The following DLGAP2 variants were observed in gnomAD, a reference collection of about 807,000 sequenced individuals.
The protein encoded by DLGAP2 is disks large-associated protein 2.
Under a neutral mutation model 100.3 loss-of-function variants are expected in DLGAP2, and 26 were observed. That is an observed-to-expected ratio of 0.26 (90% CI 0.19 to 0.36). The LOEUF (loss-of-function observed/expected upper bound fraction) is 0.36. DLGAP2 is among the 10% of genes least tolerant of loss of function. The probability of loss-of-function intolerance (pLI) is 1.00; values close to 1 mark genes in which losing one functional copy is unlikely to be tolerated. For synonymous variants in DLGAP2, 886 were observed against 630.1 expected (o/e 1.41, Z -6.08); for missense variants, 1,858 against 1,453.2 (o/e 1.28, Z -4.53).
intron 3 of DLGAP2, among the ~76,000 whole-genome samples, chr8:1,491,148 G>T (rs2130282748): frequency 7.9e-6 from 1 of 126,072 alleles, no homozygotes; most frequent in South Asian, 2.5e-4. Context: ...AAAAAATCCA[G>T]GACGCCCAGT....
chr8:1,268,440 C>T (rs1042968858), intron 3 of DLGAP2, among the ~76,000 whole-genome samples: 1 of 152,086 alleles, frequency 6.6e-6, no homozygotes, highest in Admixed American at 6.5e-5. Flanking sequence ...AAATAATTGG[C>T]CAAAGAGAGA....
At chr8:1,665,666 G>A (rs752810028) in intron 8 of DLGAP2, among the ~76,000 whole-genome samples, 17 of 152,212 alleles carry the variant, frequency 1.1e-4, no homozygotes, top group Admixed American at 6.5e-4. Context: ...GAGAAGCAAC[G>A]CAGAGCCAGC....
intron 3 of DLGAP2, among the ~76,000 whole-genome samples, chr8:1,283,316 C>T (rs1799858691): frequency 1.3e-5 from 2 of 152,312 alleles, no homozygotes; most frequent in South Asian, 2.1e-4. Context: ...ACCATCCAGA[C>T]GTGGTGTGAT....
At chr8:768,448 T>C (rs1437629920) in intron 1 of DLGAP2, among the ~76,000 whole-genome samples, 1 of 129,948 alleles carries the variant, frequency 7.7e-6, no homozygotes, top group Non-Finnish European at 1.6e-5. Context: ...TTTTCTGACA[T>C]GAATCTTGCT....
intron 1 of DLGAP2, among the ~76,000 whole-genome samples, chr8:845,438 G>C (rs188011711): frequency 6.6e-6 from 1 of 152,260 alleles, no homozygotes; most frequent in East Asian, 1.9e-4. Context: ...CTTTCCATGT[G>C]CTTGTTGGCT....
At chr8:1,691,714 A>G in intron 13 of DLGAP2, 88 bp downstream of exon 13, 2 of 1,158,838 alleles carry the variant, frequency 1.7e-6, no homozygotes, top group South Asian at 1.3e-5. Context: ...TTCCTTGTCA[A>G]AGAGTTCCCA....
chr8:1,309,002 G>A (rs902097619), intron 3 of DLGAP2, among the ~76,000 whole-genome samples: 1 of 152,122 alleles, frequency 6.6e-6, no homozygotes, highest in African/African-American at 2.4e-5. Flanking sequence ...GATTTGAGCA[G>A]GTAGAGGAAA....
chr8:1,427,145 G>T (rs1221865128), intron 3 of DLGAP2, among the ~76,000 whole-genome samples: 5 of 152,146 alleles, frequency 3.3e-5, no homozygotes, highest in Non-Finnish European at 1.5e-5. Context: ...AGCATAATAA[G>T]TATGAACTAA....
intron 2 of DLGAP2, among the ~76,000 whole-genome samples, chr8:1,233,477 A>G (rs938903985): frequency 6.6e-6 from 1 of 152,196 alleles, no homozygotes; most frequent in Non-Finnish European, 1.5e-5. Flanking sequence ...TAACGGGGCT[A>G]ATCGCAGAGC....
chr8:1,340,826 A>G (rs1443690189), intron 3 of DLGAP2, among the ~76,000 whole-genome samples: 2 of 152,248 alleles, frequency 1.3e-5, no homozygotes, highest in Admixed American at 1.3e-4. Context: ...GAGACGTGGA[A>G]TCAACCTAAA....
At chr8:1,645,019 C>T (rs558757680) in intron 8 of DLGAP2, among the ~76,000 whole-genome samples, 1 of 152,314 alleles carries the variant, frequency 6.6e-6, no homozygotes, top group Non-Finnish European at 1.5e-5. Flanking sequence ...CACTTAAGGC[C>T]AGGCATTCAA....
chr8:773,906 C>T (rs1248786461), intron 1 of DLGAP2, among the ~76,000 whole-genome samples: 2 of 152,146 alleles, frequency 1.3e-5, no homozygotes, highest in African/African-American at 2.4e-5. Flanking sequence ...AGTTCTAGAT[C>T]CCAGAGGAAT....
At chr8:1,113,106 C>G (rs1236571918) in intron 2 of DLGAP2, among the ~76,000 whole-genome samples, 4 of 151,994 alleles carry the variant, frequency 2.6e-5, no homozygotes, top group Non-Finnish European at 5.9e-5. Context: ...TTACTGTAGC[C>G]CTGTAGTATC....
intron 2 of DLGAP2, among the ~76,000 whole-genome samples, chr8:1,193,425 G>C (rs10046688): frequency 0.32 from 47,934 of 152,050 alleles, 9,130 homozygotes; most frequent in Non-Finnish European, 0.43. Context: ...GATGGCCAGT[G>C]ATGATGAGCA....
At chr8:1,180,405 A>C (rs536187979) in intron 2 of DLGAP2, among the ~76,000 whole-genome samples, 36 of 152,310 alleles carry the variant, frequency 2.4e-4, no homozygotes, top group African/African-American at 8.4e-4. Context: ...GGGCCTCACA[A>C]TGTTGCCCAG....
At chr8:1,645,473 C>G (rs1013161386) in intron 8 of DLGAP2, among the ~76,000 whole-genome samples, 5 of 152,118 alleles carry the variant, frequency 3.3e-5, no homozygotes, top group Non-Finnish European at 1.5e-5. Context: ...TTCCCACTTA[C>G]GATGTTTTTA....
intron 6 of DLGAP2, among the ~76,000 whole-genome samples, chr8:1,592,544 A>G (rs1219747507): frequency 2.6e-5 from 4 of 152,090 alleles, no homozygotes; most frequent in Non-Finnish European, 5.9e-5. Flanking sequence ...AGGAAATTCC[A>G]ACATCCTCCT....
intron 2 of DLGAP2, among the ~76,000 whole-genome samples, chr8:1,224,310 G>A (rs189881104): frequency 1.3e-5 from 2 of 152,162 alleles, no homozygotes; most frequent in African/African-American, 4.8e-5. Flanking sequence ...ATTGACATGC[G>A]TATTTGTAAC....
intron 2 of DLGAP2, among the ~76,000 whole-genome samples, chr8:1,146,597 G>A (rs1282541038): frequency 3.3e-5 from 5 of 152,102 alleles, no homozygotes; most frequent in Non-Finnish European, 7.4e-5. Flanking sequence ...GTGTGCACCT[G>A]CGCATGTGTG....
Sources: gnomAD v4.1 joint callset for allele counts (sites outside exome capture counted in the v4.1 genomes callset) on GRCh38, gnomAD v4.1.1 for gene constraint, MANE v1.5 for transcripts, NCBI Gene and HGNC (gene_info 2026-07-23, HGNC 2026-07-21) for gene names.